Variants in ARHGEF7 observed in about 807,000 individuals in gnomAD.
The protein encoded by ARHGEF7 is PAK-interacting exchange factor beta.
Under a neutral mutation model 109.8 loss-of-function variants are expected in ARHGEF7, and 33 were observed. The ratio of observed to expected loss-of-function variants is 0.30; its 90% CI spans 0.23 to 0.40. ARHGEF7 has a LOEUF of 0.40. Among genes scored for constraint, ARHGEF7 ranks in the 10% least tolerant of loss-of-function variants. The pLI, the probability that ARHGEF7 is intolerant of heterozygous loss-of-function variation, is 1.00. For missense variants in ARHGEF7, 938 were observed against 1,098.5 expected (o/e 0.85, Z 2.07); for synonymous variants, 458 against 424.6 (o/e 1.08, Z -0.97).
At chr13:111,210,664 T>C (rs1332416573) in intron 4 of ARHGEF7, among the ~76,000 whole-genome samples, 1 of 152,016 alleles carries the variant, frequency 6.6e-6, no homozygotes, top group Non-Finnish European at 1.5e-5. Flanking sequence ...GCCTGTAGAG[T>C]GTTGGGGCAG....
rs777309643 is a variant in ARHGEF7, at chr13:111,283,130, C to T, written c.1726-9C>T. ...GTTCTCTGCCCTTCCCGCTCTGTGC[C>T]CTTGGCAGCTCCCCTCCCACCCGGT... On this transcript the variant is annotated splice_polypyrimidine_tract_variant and intron_variant, in intron 15 of 21. Coordinates refer to ENST00000646102, the MANE Select transcript of ARHGEF7 (RefSeq NM_001354046.2). 3 of 1,576,498 alleles carry T rather than the reference C, an allele frequency of 1.9e-6. No individual in the cohort carries two copies. The African/African-American group carries it at 4.0e-5, about 21-fold the overall frequency.
intron 10 of ARHGEF7, among the ~76,000 whole-genome samples, chr13:111,274,516 C>A (rs897716877): frequency 6.6e-6 from 1 of 152,172 alleles, no homozygotes; most frequent in Non-Finnish European, 1.5e-5. Flanking sequence ...GCTTCCCCAC[C>A]CCTGCTGCTT....
chr13:111,289,606 T>C (rs1161319607), intron 18 of ARHGEF7, among the ~76,000 whole-genome samples: 1 of 152,236 alleles, frequency 6.6e-6, no homozygotes, highest in African/African-American at 2.4e-5. Context: ...TTAATCTCAC[T>C]TGCTCGTTTT....
intron 2 of ARHGEF7, among the ~76,000 whole-genome samples, chr13:111,198,052 CTGTT>C (rs925092211): frequency 6.6e-6 from 1 of 152,124 alleles, no homozygotes; most frequent in Non-Finnish European, 1.5e-5. Flanking sequence ...GCTTTCCTCT[CTGTT>C]GACCGTTGGC....
At chr13:111,128,072 G>A (rs1007811063) in intron 1 of ARHGEF7, among the ~76,000 whole-genome samples, 7 of 152,162 alleles carry the variant, frequency 4.6e-5, no homozygotes, top group African/African-American at 1.7e-4. Context: ...AACATGCTAA[G>A]GGGCATCCAT....
At chr13:111,236,109 T>A (rs1295408806) in intron 6 of ARHGEF7, among the ~76,000 whole-genome samples, 4 of 152,260 alleles carry the variant, frequency 2.6e-5, no homozygotes, top group African/African-American at 9.6e-5. Context: ...AAACTCGTAG[T>A]AATTTATGTC....
chr13:111,267,174 G>A (rs924066233), intron 8 of ARHGEF7, among the ~76,000 whole-genome samples: 1 of 152,232 alleles, frequency 6.6e-6, no homozygotes, highest in African/African-American at 2.4e-5. Context: ...TAGTCTTGAT[G>A]TTGCTGCTTT....
At chr13:111,298,460 G>C (rs2093474752) in intron 19 of ARHGEF7, among the ~76,000 whole-genome samples, 1 of 152,068 alleles carries the variant, frequency 6.6e-6, no homozygotes, top group Non-Finnish European at 1.5e-5. Context: ...CCAGAAGGCA[G>C]CCCAGGGCCC....
intron 1 of ARHGEF7, among the ~76,000 whole-genome samples, chr13:111,136,593 G>C (rs112816134): frequency 2.0e-5 from 3 of 152,108 alleles, no homozygotes; most frequent in Admixed American, 1.3e-4. Flanking sequence ...ACATTTAAAG[G>C]AGTGTGTAGA....
chr13:111,268,343 A>G (rs1407903819), intron 9 of ARHGEF7, among the ~76,000 whole-genome samples: 1 of 152,210 alleles, frequency 6.6e-6, no homozygotes, highest in Non-Finnish European at 1.5e-5. Context: ...AAAGATTTAT[A>G]TTAATGTTTT....
At chr13:111,214,569 G>A (rs1328403964) in intron 4 of ARHGEF7, among the ~76,000 whole-genome samples, 1 of 152,226 alleles carries the variant, frequency 6.6e-6, no homozygotes, top group Non-Finnish European at 1.5e-5. Context: ...AAGAGAACTT[G>A]ACATAGCACA....
intron 3 of ARHGEF7, among the ~76,000 whole-genome samples, chr13:111,206,634 A>G (rs1211386727): frequency 6.6e-6 from 1 of 152,176 alleles, no homozygotes; most frequent in Non-Finnish European, 1.5e-5. Flanking sequence ...TGTCTCTACA[A>G]TCTAAAAATG....
At chr13:111,242,844 C>T (rs1219704806) in intron 6 of ARHGEF7, among the ~76,000 whole-genome samples, 4 of 152,190 alleles carry the variant, frequency 2.6e-5, no homozygotes, top group South Asian at 2.1e-4. Flanking sequence ...GCCAGGAGTG[C>T]GAGGAGCACC....
intron 8 of ARHGEF7, among the ~76,000 whole-genome samples, chr13:111,264,566 T>A (rs2091424796): frequency 6.6e-6 from 1 of 151,972 alleles, no homozygotes. Context: ...CCCACTAAAT[T>A]CCCAGTCCGT....
intron 5 of ARHGEF7, among the ~76,000 whole-genome samples, chr13:111,225,240 C>CT (rs1458181517): frequency 6.6e-6 from 1 of 152,088 alleles, no homozygotes; most frequent in Non-Finnish European, 1.5e-5. Flanking sequence ...TAGAGCTTCT[C>CT]TTTTTTAAAA....
chr13:111,158,880 A>C, intron 2 of ARHGEF7: 1 of 606,072 alleles, frequency 1.6e-6, no homozygotes, highest in Non-Finnish European at 3.0e-6. Context: ...AGAACATTTA[A>C]AATCTAATCT....
intron 2 of ARHGEF7, among the ~76,000 whole-genome samples, chr13:111,182,880 T>A (rs1387594915): frequency 6.6e-6 from 1 of 152,212 alleles, no homozygotes; most frequent in Non-Finnish European, 1.5e-5. Flanking sequence ...AGTTTTTCAG[T>A]ATTCAGTACG....
rs1175312567 is a variant in ARHGEF7, at chr13:111,272,249, G to A, written c.1074-1565G>A. Among the ~76,000 whole-genome samples, 1 of 152,202 alleles carries A rather than the reference G, an allele frequency of 6.6e-6. No individual in the cohort carries two copies. Among genetic ancestry groups the A allele is most frequent in the Non-Finnish European group, 1.5e-5 (1 of 68,040 alleles). ...CCTTATGGGAAGCTGTGTTTAGGTT[G>A]AACTCTCTGAAACTGTTAATGTTCA... On this transcript the variant is annotated intron_variant, in intron 9 of 21. Coordinates refer to ENST00000646102, the MANE Select transcript of ARHGEF7 (RefSeq NM_001354046.2). The surrounding 1 kb of genome is among the most constrained non-coding windows in gnomAD (Gnocchi z 5.2).
At chr13:111,119,814 A>G (rs2067056086) in intron 1 of ARHGEF7, among the ~76,000 whole-genome samples, 11 of 152,192 alleles carry the variant, frequency 7.2e-5, no homozygotes, top group Admixed American at 7.2e-4. Context: ...GAGGAGAAGC[A>G]GAAGTGCTCA....
Sources: allele counts gnomAD v4.1 joint callset (sites outside exome capture counted in the v4.1 genomes callset), GRCh38; gene constraint gnomAD v4.1.1; non-coding constraint Gnocchi (gnomAD v3.1); transcripts MANE v1.5; gene names NCBI Gene and HGNC (gene_info 2026-07-23, HGNC 2026-07-21).